Variants in ABCB1 observed in about 807,000 individuals in gnomAD.
ABCB1 encodes ATP binding cassette subfamily B member 1, also known as ATP-dependent translocase ABCB1.
A neutral mutation model predicts 142.0 loss-of-function variants in ABCB1; 69 were observed. The observed-to-expected ratio is 0.49, with a 90% confidence interval of 0.40 to 0.59. The LOEUF (loss-of-function observed/expected upper bound fraction) is 0.59. Ranked by LOEUF, ABCB1 falls within the 20% of genes least tolerant of loss-of-function variation. The probability of loss-of-function intolerance (pLI) is 0.00; values close to 1 mark genes in which losing one functional copy is unlikely to be tolerated. For missense variants in ABCB1, 1,326 were observed against 1,554.7 expected (o/e 0.85, Z 2.47); for synonymous variants, 532 against 539.2 (o/e 0.99, Z 0.18).
chr7:87,679,133 C>G (rs1472464991), intron 1 of ABCB1, among the ~76,000 whole-genome samples: 1 of 141,552 alleles, frequency 7.1e-6, no homozygotes, highest in Non-Finnish European at 1.5e-5. Context: ...CGCTCTTTCC[C>G]CCAGGCTGGA....
intron 8 of ABCB1, among the ~76,000 whole-genome samples, chr7:87,555,600 T>G (rs1029068789): frequency 6.6e-6 from 1 of 152,184 alleles, no homozygotes; most frequent in African/African-American, 2.4e-5. Flanking sequence ...AAACAGAACT[T>G]CATAGTGACA....
intron 1 of ABCB1, among the ~76,000 whole-genome samples, chr7:87,626,338 A>ATATATGTGTCATATG: frequency 3.1e-5 from 1 of 32,570 alleles, no homozygotes; most frequent in Non-Finnish European, 4.7e-5. Flanking sequence ...TATGTGTCGT[A>ATATATGTGTCATATG]TATGTGTCAT....
chr7:87,585,455 T>C, intron 4 of ABCB1, 57 bp downstream of exon 4: 1 of 1,572,584 alleles, frequency 6.4e-7, no homozygotes, highest in Non-Finnish European at 8.7e-7. Flanking sequence ...AACATCACTC[T>C]AAGTGCTTGT....
chr7:87,639,532 T>G (rs909946497), intron 1 of ABCB1, among the ~76,000 whole-genome samples: 1 of 152,176 alleles, frequency 6.6e-6, no homozygotes, highest in African/African-American at 2.4e-5. Context: ...TTTCTCCTTT[T>G]AGTTTTGTGA....
At chr7:87,688,760 C>T (rs1827725606) in intron 1 of ABCB1, among the ~76,000 whole-genome samples, 1 of 151,884 alleles carries the variant, frequency 6.6e-6, no homozygotes, top group Non-Finnish European at 1.5e-5. Flanking sequence ...ACACAATTCT[C>T]ATATACTTGG....
chr7:87,622,862 C>A (rs1584929141), intron 1 of ABCB1, among the ~76,000 whole-genome samples: 1 of 151,896 alleles, frequency 6.6e-6, no homozygotes, highest in East Asian at 1.9e-4. Flanking sequence ...GAGACCTTGT[C>A]TCAGTAAAAC....
At position 87,543,776 on chromosome 7, in the gene ABCB1, A is replaced by T. The variant is rs139059013; in HGVS notation, c.2211+353T>A. Reference sequence around the variant, plus strand: ...GTGCATTCTCAAGCCAGCCTGACAAACATTTGAGGAACTCTCTTTGCACAT... The same window carrying T: ...GTGCATTCTCAAGCCAGCCTGACAATCATTTGAGGAACTCTCTTTGCACAT... On this transcript the variant is annotated intron_variant, in intron 17 of 27. Transcript: ENST00000622132. Among the ~76,000 whole-genome samples the T allele has an allele frequency of 5.5e-3, 839 of 152,322 alleles. 4 individuals carry two copies. Among genetic ancestry groups the T allele is most frequent in the African/African-American group, 0.019 (800 of 41,584 alleles).
chr7:87,663,431 T>G (rs2130465891), intron 1 of ABCB1, among the ~76,000 whole-genome samples: 1 of 152,272 alleles, frequency 6.6e-6, no homozygotes, highest in South Asian at 2.1e-4. Context: ...AAGCTTTCCC[T>G]ACAGTTGGCT....
chr7:87,549,330 G>A lies in ABCB1; in HGVS notation c.1725+18C>T, dbSNP rs1166664515. On this transcript the variant is annotated intron_variant, in intron 14 of 27. Coordinates refer to ENST00000622132, the MANE Select transcript of ABCB1 (RefSeq NM_001348946.2). ...TTATGCTTATAAATCAGGTTGGTTT[G>A]AACTAAGCCTCACTGACCTTATCCA... is the stretch of plus-strand genomic sequence containing the variant. 1.2e-6 allele frequency: 2 copies of A among 1,614,090 alleles called. No individual in the cohort carries two copies. Among genetic ancestry groups the A allele is most frequent in the South Asian group, 2.2e-5 (2 of 91,052 alleles).
chr7:87,601,669 G>A (rs948431060), upstream of ABCB1, among the ~76,000 whole-genome samples: 1 of 152,188 alleles, frequency 6.6e-6, no homozygotes, highest in South Asian at 2.1e-4. Context: ...AAAAGTACGT[G>A]CAATCTGCAC....
intron 8 of ABCB1, among the ~76,000 whole-genome samples, chr7:87,558,588 T>C (rs1434226804): frequency 6.6e-6 from 1 of 152,176 alleles, no homozygotes; most frequent in Admixed American, 6.5e-5. Flanking sequence ...CAACAGTACA[T>C]AGAAATGATA....
At chr7:87,508,761 A>T (rs570600871) in intron 26 of ABCB1, among the ~76,000 whole-genome samples, 71 of 152,216 alleles carry the variant, frequency 4.7e-4, no homozygotes, top group African/African-American at 1.7e-3. Flanking sequence ...GACTGGACTG[A>T]CTCCACAGTG....
chr7:87,584,481 C>T (rs1382845174), intron 4 of ABCB1, among the ~76,000 whole-genome samples: 1 of 152,120 alleles, frequency 6.6e-6, no homozygotes, highest in Non-Finnish European at 1.5e-5. Context: ...TCAATCTAGG[C>T]TTGACCAGAG....
At chr7:87,631,621 C>G (rs1005664592) in intron 1 of ABCB1, among the ~76,000 whole-genome samples, 2 of 152,216 alleles carry the variant, frequency 1.3e-5, no homozygotes, top group Non-Finnish European at 1.5e-5. Context: ...TCTCGATCTG[C>G]TGACCTCGTG....
rs1236044941 is a variant in ABCB1 at position 87,503,101 on chromosome 7, G to A, written c.*1142C>T. ...TGTTTTAATTTGCATTTATTTGATT[G>A]TTGAAACTGTATACATTTTTCTCAT... On this transcript the variant is annotated 3_prime_UTR_variant, in exon 28 of 28. Coordinates refer to ENST00000622132, the MANE Select transcript of ABCB1 (RefSeq NM_001348946.2). 6.6e-6 allele frequency among the ~76,000 whole-genome samples: 1 copy of A among 151,800 alleles called. No homozygotes were observed. Among genetic ancestry groups the A allele is most frequent in the African/African-American group, 2.4e-5 (1 of 41,378 alleles).
At chr7:87,518,015 C>T (rs1465926715) in intron 23 of ABCB1, among the ~76,000 whole-genome samples, 4 of 152,204 alleles carry the variant, frequency 2.6e-5, no homozygotes, top group Non-Finnish European at 5.9e-5. Context: ...TTGATAACTC[C>T]TTTCACTGCC....
chr7:87,634,487 TGGG>T (rs1399273733), intron 1 of ABCB1, among the ~76,000 whole-genome samples: 3 of 906 alleles, frequency 3.3e-3, no homozygotes, highest in Non-Finnish European at 6.4e-3. Context: ...GGCGTGGTGG[TGGG>T]GGGTGGGGGG....
chr7:87,536,779 A>T (rs946408066), intron 19 of ABCB1, among the ~76,000 whole-genome samples: 1 of 152,224 alleles, frequency 6.6e-6, no homozygotes, highest in Non-Finnish European at 1.5e-5. Flanking sequence ...TAAGTGTTGG[A>T]CCTGTACGAA....
intron 1 of ABCB1, among the ~76,000 whole-genome samples, chr7:87,677,274 AACACACACAC>A (rs57009840): frequency 3.5e-4 from 47 of 135,876 alleles, no homozygotes; most frequent in Non-Finnish European, 6.4e-4. Context: ...CAGTGTATAT[AACACACACAC>A]ACACACACAC....
Sources: gnomAD v4.1 joint callset for allele counts (sites outside exome capture counted in the v4.1 genomes callset) on GRCh38, gnomAD v4.1.1 for gene constraint, MANE v1.5 for transcripts, NCBI Gene and HGNC (gene_info 2026-07-23, HGNC 2026-07-21) for gene names.